The following PTPRD variants were observed in gnomAD, a reference collection of about 807,000 sequenced individuals.
The protein encoded by PTPRD is receptor-type tyrosine-protein phosphatase delta.
PTPRD carries 34 observed loss-of-function variants against 214.5 expected under a neutral mutation model. That is an observed-to-expected ratio of 0.16 (90% CI 0.12 to 0.21). PTPRD has a LOEUF of 0.21. Ranked by LOEUF, PTPRD falls within the 10% of genes least tolerant of loss-of-function variation. The probability of loss-of-function intolerance (pLI) is 1.00; values close to 1 mark genes in which losing one functional copy is unlikely to be tolerated. For missense variants in PTPRD, 2,545 were observed against 2,398.7 expected, an observed-to-expected ratio of 1.06 and a Z score of -1.27; for synonymous variants, 1,128 against 845.7, an observed-to-expected ratio of 1.33 and a Z score of -5.79.
chr9:9,935,764 T>G (rs868859075), intron 5 of PTPRD, among the ~76,000 whole-genome samples: 3 of 142,388 alleles, frequency 2.1e-5, no homozygotes, highest in Middle Eastern at 3.5e-3. Context: ...AAGCCCGCAT[T>G]GCCAAGTCAA....
chr9:9,893,209 C>A (rs1041662173), intron 5 of PTPRD, among the ~76,000 whole-genome samples: 2 of 151,988 alleles, frequency 1.3e-5, no homozygotes, highest in African/African-American at 4.8e-5. Context: ...TACAAAGCAA[C>A]CACATAAACA....
At position 10,439,339 on chromosome 9, in the gene PTPRD, T is replaced by C. The variant is rs1447817250; in HGVS notation, c.-599-98322A>G. Among the ~76,000 whole-genome samples the C allele has an allele frequency of 2.6e-5, 4 of 151,798 alleles. No homozygotes were observed. The East Asian group carries it at 7.7e-4, about 29-fold the overall frequency. On this transcript the variant is annotated intron_variant, in intron 2 of 45. Coordinates refer to ENST00000381196, the MANE Select transcript of PTPRD (RefSeq NM_002839.4). Reference sequence around the variant, plus strand: ...GCAATGCTGGCAACTAATGCTATCGTCATGGCCAGCTGTGAAAAATCAAGC... The same window carrying C: ...GCAATGCTGGCAACTAATGCTATCGCCATGGCCAGCTGTGAAAAATCAAGC...
At chr9:8,744,482 A>G (rs976603640) in intron 11 of PTPRD, among the ~76,000 whole-genome samples, 25 of 152,260 alleles carry the variant, frequency 1.6e-4, no homozygotes, top group African/African-American at 5.5e-4. Context: ...AAGGAATGAA[A>G]TAATGGCATT....
chr9:8,870,122 C>T (rs1488157104), intron 11 of PTPRD, among the ~76,000 whole-genome samples: 3 of 131,890 alleles, frequency 2.3e-5, no homozygotes, highest in Non-Finnish European at 1.6e-5. Context: ...CTCTTTCCAT[C>T]AGTTAAAAAA....
At chr9:10,542,738 G>A (rs889469426) in intron 2 of PTPRD, among the ~76,000 whole-genome samples, 15 of 151,604 alleles carry the variant, frequency 9.9e-5, no homozygotes, top group South Asian at 2.1e-4. Flanking sequence ...ATTTTTTTGA[G>A]ACAGAGTTTC....
At chr9:10,500,485 T>C (rs972693897) in intron 2 of PTPRD, among the ~76,000 whole-genome samples, 1 of 151,956 alleles carries the variant, frequency 6.6e-6, no homozygotes, top group Non-Finnish European at 1.5e-5. Context: ...ATGTAATGGA[T>C]AATAATCCCT....
intron 26 of PTPRD, 69 bp downstream of exon 26, chr9:8,497,173 A>C: frequency 7.5e-7 from 1 of 1,330,430 alleles, no homozygotes; most frequent in Non-Finnish European, 1.0e-6. Context: ...ATCACAAATA[A>C]GTGAAAGGAT....
intron 8 of PTPRD, among the ~76,000 whole-genome samples, chr9:9,463,560 C>T (rs142340899): frequency 2.0e-5 from 3 of 152,272 alleles, no homozygotes; most frequent in Admixed American, 6.5e-5. Context: ...CTATCACCTA[C>T]TTCCTTTAAT....
At chr9:9,834,324 A>T (rs1443634087) in intron 5 of PTPRD, among the ~76,000 whole-genome samples, 1 of 151,982 alleles carries the variant, frequency 6.6e-6, no homozygotes, top group Admixed American at 6.6e-5. Context: ...TCTCCATGCT[A>T]TGAAAAAAGA....
intron 10 of PTPRD, among the ~76,000 whole-genome samples, chr9:9,073,490 T>C (rs1224250953): frequency 6.6e-6 from 1 of 152,190 alleles, no homozygotes; most frequent in Non-Finnish European, 1.5e-5. Flanking sequence ...GCGATTAACA[T>C]TTACCACCAG....
intron 8 of PTPRD, among the ~76,000 whole-genome samples, chr9:9,501,880 AC>A (rs2154225821): frequency 6.6e-6 from 1 of 152,104 alleles, no homozygotes; most frequent in African/African-American, 2.4e-5. Flanking sequence ...TAAAAATAAC[AC>A]AAAAACAACA....
At chr9:10,493,362 C>G (rs2040986998) in intron 2 of PTPRD, among the ~76,000 whole-genome samples, 1 of 152,080 alleles carries the variant, frequency 6.6e-6, no homozygotes. Context: ...TACAAGCCTA[C>G]AGTAAACAAA....
intron 5 of PTPRD, among the ~76,000 whole-genome samples, chr9:9,842,538 A>G (rs1015802220): frequency 3.3e-5 from 5 of 152,012 alleles, no homozygotes; most frequent in Admixed American, 1.3e-4. Context: ...TTTGGGAACA[A>G]AAAAGAGAGA....
At chr9:9,628,045 T>A (rs1188688609) in intron 7 of PTPRD, among the ~76,000 whole-genome samples, 2 of 152,234 alleles carry the variant, frequency 1.3e-5, no homozygotes, top group Non-Finnish European at 2.9e-5. Flanking sequence ...TATATTTGCA[T>A]TTAACATGGG....
intron 11 of PTPRD, among the ~76,000 whole-genome samples, chr9:8,833,972 C>T (rs964683163): frequency 2.6e-5 from 4 of 151,970 alleles, no homozygotes; most frequent in Non-Finnish European, 5.9e-5. Flanking sequence ...ATTCACCTAA[C>T]AGGTAGACAT....
At chr9:9,495,691 C>A (rs1022158118) in intron 8 of PTPRD, among the ~76,000 whole-genome samples, 1 of 152,146 alleles carries the variant, frequency 6.6e-6, no homozygotes, top group Non-Finnish European at 1.5e-5. Flanking sequence ...CAATAAAATT[C>A]TCTGCTTTCA....
chr9:8,621,568 C>T (rs10511505), intron 14 of PTPRD, among the ~76,000 whole-genome samples: 1 of 151,666 alleles, frequency 6.6e-6, no homozygotes, highest in African/African-American at 2.4e-5. Context: ...TGAGAATAAT[C>T]ATTTAAGTCA....
At chr9:10,255,862 A>G (rs1460605981) in intron 3 of PTPRD, among the ~76,000 whole-genome samples, 3 of 152,120 alleles carry the variant, frequency 2.0e-5, no homozygotes, top group Non-Finnish European at 4.4e-5. Flanking sequence ...ACAAACACAC[A>G]TCGTAGCCTA....
chr9:8,920,787 G>T (rs1357260366), intron 11 of PTPRD, among the ~76,000 whole-genome samples: 1 of 151,662 alleles, frequency 6.6e-6, no homozygotes, highest in Non-Finnish European at 1.5e-5. Context: ...TTCCTAAGAA[G>T]CTTCTCCATT....
Sources: gnomAD v4.1 joint callset for allele counts (sites outside exome capture counted in the v4.1 genomes callset) on GRCh38, gnomAD v4.1.1 for gene constraint, MANE v1.5 for transcripts, NCBI Gene and HGNC (gene_info 2026-07-23, HGNC 2026-07-21) for gene names.